Variants in UBE2E3 observed in about 807,000 individuals in gnomAD.
The protein encoded by UBE2E3 is ubiquitin conjugating enzyme E2 E3.
In UBE2E3, 5 loss-of-function variants were observed where a neutral mutation model predicts 23.6. The observed-to-expected ratio is 0.21, with a 90% CI of 0.11 to 0.44. The LOEUF (loss-of-function observed/expected upper bound fraction) is 0.44. Ranked by LOEUF, UBE2E3 falls within the 20% of genes least tolerant of loss-of-function variation. The probability of loss-of-function intolerance (pLI) is 0.99; values close to 1 mark genes in which losing one functional copy is unlikely to be tolerated. For missense variants in UBE2E3, 81 were observed against 249.8 expected (o/e 0.32, Z 4.55); for synonymous variants, 78 against 87.5 (o/e 0.89, Z 0.60).
At chr2:181,002,891 T>C (rs1370652211) in intron 3 of UBE2E3, among the ~76,000 whole-genome samples, 1 of 152,216 alleles carries the variant, frequency 6.6e-6, no homozygotes, top group African/African-American at 2.4e-5. Flanking sequence ...TGTGAAAAGA[T>C]GGACAACCTT....
chr2:181,036,685 C>A (rs1478594094), intron 3 of UBE2E3, among the ~76,000 whole-genome samples: 1 of 152,216 alleles, frequency 6.6e-6, no homozygotes, highest in African/African-American at 2.4e-5. Context: ...ACTCTTCAGC[C>A]ACCCTCTACC....
intron 3 of UBE2E3, among the ~76,000 whole-genome samples, chr2:181,056,869 C>T (rs961699764): frequency 9.2e-5 from 14 of 151,730 alleles, no homozygotes; most frequent in Admixed American, 6.6e-5. Flanking sequence ...TGAAACTTAA[C>T]ATCACCAATG....
chr2:181,034,678 A>C (rs1351503044), intron 3 of UBE2E3, among the ~76,000 whole-genome samples: 1 of 138,802 alleles, frequency 7.2e-6, no homozygotes, highest in East Asian at 2.0e-4. Flanking sequence ...AAGTATAATA[A>C]AAAAAATTAA....
intron 3 of UBE2E3, among the ~76,000 whole-genome samples, chr2:180,991,792 T>C (rs530662995): frequency 6.9e-4 from 105 of 151,366 alleles, no homozygotes; most frequent in African/African-American, 2.5e-3. Context: ...ACAGTATGGA[T>C]AAACTGGACA....
intron 3 of UBE2E3, among the ~76,000 whole-genome samples, chr2:181,001,880 ATCATCTAAAAT>A (rs1368449917): frequency 1.9e-4 from 29 of 152,150 alleles, no homozygotes; most frequent in Non-Finnish European, 2.9e-5. Context: ...TTATTTTTTA[ATCATCTAAAAT>A]GGCAAGACTG....
At chr2:181,012,763 T>TA (rs1685373792) in intron 3 of UBE2E3, among the ~76,000 whole-genome samples, 1 of 152,180 alleles carries the variant, frequency 6.6e-6, no homozygotes, top group African/African-American at 2.4e-5. Flanking sequence ...ATTATGGTGT[T>TA]AAACCATTTG....
chr2:181,038,051 C>CT (rs1259639719), intron 3 of UBE2E3, among the ~76,000 whole-genome samples: 1 of 152,080 alleles, frequency 6.6e-6, no homozygotes, highest in Non-Finnish European at 1.5e-5. Flanking sequence ...TTAGTATAGC[C>CT]TAAGTGTTTA....
intron 3 of UBE2E3, among the ~76,000 whole-genome samples, chr2:181,036,751 T>C (rs1343933169): frequency 1.3e-5 from 2 of 152,220 alleles, no homozygotes; most frequent in Non-Finnish European, 2.9e-5. Context: ...TTAACTTTTC[T>C]TAACTGTATG....
chr2:180,996,877 A>T (rs909363067), intron 3 of UBE2E3, among the ~76,000 whole-genome samples: 1 of 152,152 alleles, frequency 6.6e-6, no homozygotes, highest in Non-Finnish European at 1.5e-5. Flanking sequence ...TGCAAAAAAA[A>T]ATTTCTTCCT....
intron 3 of UBE2E3, among the ~76,000 whole-genome samples, chr2:181,002,238 G>A (rs1232611290): frequency 1.3e-5 from 2 of 152,150 alleles, no homozygotes; most frequent in Non-Finnish European, 1.5e-5. Context: ...CTGCATAAGA[G>A]TACTAGTACA....
At chr2:181,028,701 CT>C (rs1016975222) in intron 3 of UBE2E3, among the ~76,000 whole-genome samples, 1 of 151,500 alleles carries the variant, frequency 6.6e-6, no homozygotes, top group Non-Finnish European at 1.5e-5. Context: ...TGTGAAATGC[CT>C]TTTTTTTGTT....
intron 3 of UBE2E3, among the ~76,000 whole-genome samples, chr2:181,007,197 G>T (rs1685176097): frequency 6.6e-6 from 1 of 152,066 alleles, no homozygotes; most frequent in Non-Finnish European, 1.5e-5. Context: ...AGATCTTAAT[G>T]CCCACTGCCC....
chr2:181,051,314 G>A (rs867815876), intron 3 of UBE2E3, among the ~76,000 whole-genome samples: 6 of 151,448 alleles, frequency 4.0e-5, no homozygotes, highest in Non-Finnish European at 7.4e-5. Context: ...TTCCTTATTG[G>A]TAGACATAGT....
intron 3 of UBE2E3, among the ~76,000 whole-genome samples, chr2:181,007,728 C>G (rs926730917): frequency 6.6e-6 from 1 of 152,144 alleles, no homozygotes; most frequent in African/African-American, 2.4e-5. Flanking sequence ...GCCAAAGGTG[C>G]TGCTGCAGGT....
Position 181,039,324 on chromosome 2 carries a change from A to G in UBE2E3, c.246-18369A>G, listed in dbSNP as rs373226569. ...TTATACTTCAAAGCTGATTAAAAAC[A>G]TTTGAAAAATACAATAAATGGCTAC... is the stretch of plus-strand genomic sequence containing the variant. On this transcript the variant is annotated intron_variant, in intron 3 of 5. Transcript: ENST00000410062. 6.6e-5 allele frequency among the ~76,000 whole-genome samples: 10 copies of G among 152,224 alleles called. 1 individual carries two copies. Among genetic ancestry groups the G allele is most frequent in the African/African-American group, 2.4e-4 (10 of 41,548 alleles).
chr2:181,040,468 C>T (rs1010219156), intron 3 of UBE2E3, among the ~76,000 whole-genome samples: 6 of 152,102 alleles, frequency 3.9e-5, no homozygotes, highest in Non-Finnish European at 8.8e-5. Flanking sequence ...TGCCACAGTG[C>T]ATTTTTTCAT....
chr2:180,992,761 A>G (rs1192994362), intron 3 of UBE2E3, among the ~76,000 whole-genome samples: 2 of 152,112 alleles, frequency 1.3e-5, no homozygotes, highest in African/African-American at 4.8e-5. Flanking sequence ...TCCCGGGTTC[A>G]AGCAATTCTC....
chr2:180,993,658 G>A (rs1285718889), intron 3 of UBE2E3, among the ~76,000 whole-genome samples: 2 of 152,026 alleles, frequency 1.3e-5, no homozygotes, highest in Non-Finnish European at 2.9e-5. Context: ...ATGGTTATTT[G>A]TAGTTAGTTT....
At chr2:181,060,935 G>C in intron 5 of UBE2E3, 123 bp downstream of exon 5, 1 of 1,000,272 alleles carries the variant, frequency 1.0e-6, no homozygotes, top group Non-Finnish European at 1.3e-6. Flanking sequence ...TTCATAGAAA[G>C]ATCCCCATAA....
Sources: allele counts gnomAD v4.1 joint callset (sites outside exome capture counted in the v4.1 genomes callset), GRCh38; gene constraint gnomAD v4.1.1; transcripts MANE v1.5; gene names NCBI Gene and HGNC (gene_info 2026-07-23, HGNC 2026-07-21).